Variants in ZNF516 observed in about 807,000 individuals in gnomAD.
The protein encoded by ZNF516 is zinc finger protein 516.
Under a neutral mutation model 79.7 loss-of-function variants are expected in ZNF516, and 19 were observed. The ratio of observed to expected loss-of-function variants is 0.24; its 90% confidence interval spans 0.17 to 0.35. The LOEUF (loss-of-function observed/expected upper bound fraction) is 0.35, where lower values mean the gene tolerates loss of function less well. ZNF516 is among the 10% of genes least tolerant of loss of function. ZNF516 has a pLI of 1.00. For synonymous variants in ZNF516, 877 were observed against 739.5 expected (o/e 1.19, Z -3.02); for missense variants, 1,678 against 1,679.5 (o/e 1.00, Z 0.02).
chr18:76,371,986 A>G (rs2074715863), intron 4 of ZNF516, among the ~76,000 whole-genome samples: 1 of 152,206 alleles, frequency 6.6e-6, no homozygotes, highest in Non-Finnish European at 1.5e-5. Context: ...ACCAGAGCCC[A>G]CCGTGACCCG....
chr18:76,494,815 G>A (rs961038567), intron 1 of ZNF516, among the ~76,000 whole-genome samples: 2 of 151,444 alleles, frequency 1.3e-5, no homozygotes, highest in Non-Finnish European at 2.9e-5. Context: ...AGTGTACAAA[G>A]CCAGAGCCTC....
intron 1 of ZNF516, chr18:76,491,695 TC>T (rs1177560009): frequency 2.4e-4 from 31 of 130,976 alleles, no homozygotes; most frequent in African/African-American, 5.7e-4. Flanking sequence ...GGCAGGTGAG[TC>T]CCCCCCCGAC....
intron 1 of ZNF516, among the ~76,000 whole-genome samples, chr18:76,464,285 T>A (rs1383796819): frequency 6.6e-6 from 1 of 152,126 alleles, no homozygotes; most frequent in Non-Finnish European, 1.5e-5. Context: ...GGTAGAAGAA[T>A]CGCTTGAACC....
chr18:76,435,343 G>C (rs1568288226), intron 3 of ZNF516, among the ~76,000 whole-genome samples: 1 of 152,154 alleles, frequency 6.6e-6, no homozygotes, highest in East Asian at 1.9e-4. Flanking sequence ...CTCTGTTCAA[G>C]CAAATATCAG....
intron 3 of ZNF516, among the ~76,000 whole-genome samples, chr18:76,438,590 G>T (rs2075775526): frequency 6.6e-6 from 1 of 152,006 alleles, no homozygotes; most frequent in African/African-American, 2.4e-5. Flanking sequence ...GAGCTGCTGT[G>T]ACCAAGTCTT....
At chr18:76,406,303 C>T (rs2075303923) in intron 3 of ZNF516, among the ~76,000 whole-genome samples, 1 of 152,232 alleles carries the variant, frequency 6.6e-6, no homozygotes, top group Non-Finnish European at 1.5e-5. Context: ...CGGTGGCTCA[C>T]GCCTGTAATC....
At chr18:76,483,663 A>G (rs1048646351) in intron 1 of ZNF516, among the ~76,000 whole-genome samples, 2 of 151,868 alleles carry the variant, frequency 1.3e-5, no homozygotes, top group Non-Finnish European at 2.9e-5. Flanking sequence ...CCCTTTCCCT[A>G]TGATTTTTTG....
chr18:76,436,186 C>T (rs1346151407), intron 3 of ZNF516, among the ~76,000 whole-genome samples: 2 of 152,218 alleles, frequency 1.3e-5, no homozygotes, highest in Non-Finnish European at 2.9e-5. Context: ...ACCCATTCTG[C>T]AAGCTCCTGT....
At position 76,379,804 on chromosome 18, in the gene ZNF516, G is replaced by A. The variant is rs770740549; in HGVS notation, c.2310C>T (p.Tyr770=). 6.2e-7 allele frequency: 1 copy of A among 1,613,852 alleles called. No individual in the cohort carries two copies. Among genetic ancestry groups the A allele is most frequent in the Non-Finnish European group, 8.5e-7 (1 of 1,179,834 alleles). ...TGTGCATCCACAGGACCTCGGGGTA[G>A]TAGGTCTTGTGGCTGCAGTAAGGAC... ...HPCPYCSHKT[Y]YPEVLWMHKR... is the part of the protein sequence containing the mutation. Residue 770 remains tyrosine (Y), a synonymous_variant, in exon 4 of 7, where the codon TAC becomes TAT. Coordinates refer to ENST00000443185, the MANE Select transcript of ZNF516 (RefSeq NM_014643.4).
At chr18:76,478,008 T>C (rs1471502363) in intron 1 of ZNF516, among the ~76,000 whole-genome samples, 1 of 152,182 alleles carries the variant, frequency 6.6e-6, no homozygotes, top group Non-Finnish European at 1.5e-5. Context: ...AGATCTATTC[T>C]GAAGGGAAAA....
chr18:76,463,364 G>A (rs1599130552), intron 1 of ZNF516, among the ~76,000 whole-genome samples: 1 of 152,342 alleles, frequency 6.6e-6, no homozygotes, highest in Non-Finnish European at 1.5e-5. Context: ...GCCAGGAGCA[G>A]GAGAAGCATT....
At chr18:76,461,877 C>T (rs1227878763) in intron 2 of ZNF516, among the ~76,000 whole-genome samples, 1 of 152,208 alleles carries the variant, frequency 6.6e-6, no homozygotes, top group Non-Finnish European at 1.5e-5. Flanking sequence ...GGCGAGAAAC[C>T]CTGGGCAGCC....
chr18:76,435,690 C>T (rs183539016), intron 3 of ZNF516, among the ~76,000 whole-genome samples: 16 of 152,308 alleles, frequency 1.1e-4, no homozygotes, highest in East Asian at 3.9e-4. Context: ...TTACTCCCAA[C>T]GAAAGGAACT....
At chr18:76,373,731 G>A (rs541401467) in intron 4 of ZNF516, among the ~76,000 whole-genome samples, 16 of 152,078 alleles carry the variant, frequency 1.1e-4, no homozygotes, top group East Asian at 1.9e-4. Context: ...ACACACACAC[G>A]CAGGCGTACA....
rs773782208 is a variant in ZNF516, at chr18:76,379,919, G to A, written c.2195C>T (p.Pro732Leu). 2.4e-5 allele frequency: 38 copies of A among 1,613,836 alleles called. No individual in the cohort carries two copies. Among genetic ancestry groups the A allele is most frequent in the African/African-American group, 1.3e-5 (1 of 74,910 alleles). The change falls in exon 4 of 7, where the codon CCG (proline) becomes CTG (leucine). Residue 732 changes from proline (P) to leucine (L), a missense_variant. Coordinates refer to ENST00000443185, the MANE Select transcript of ZNF516 (RefSeq NM_014643.4). ...GKRALAPDLM[P>L]LDLSARSTRD... ...CGTCGACCTCGCACTTAAATCTAGC[G>A]GCATGAGGTCTGGGGCCAGCGCCCG...
At chr18:76,492,925 C>T (rs969578777) in intron 1 of ZNF516, 1 of 985,598 alleles carries the variant, frequency 1.0e-6, no homozygotes. Flanking sequence ...CCTGCGGATG[C>T]GCGGGGCTGG....
At chr18:76,489,025 T>C (rs1368479835) in intron 1 of ZNF516, among the ~76,000 whole-genome samples, 1 of 152,258 alleles carries the variant, frequency 6.6e-6, no homozygotes, top group Non-Finnish European at 1.5e-5. Flanking sequence ...ACAAGCTCCC[T>C]GCTGCAGAAC....
intron 3 of ZNF516, among the ~76,000 whole-genome samples, chr18:76,424,521 A>C (rs575179862): frequency 5.8e-4 from 83 of 143,840 alleles, no homozygotes; most frequent in East Asian, 4.4e-4. Context: ...CCCATGAAAC[A>C]CATGCAGGTG....
intron 1 of ZNF516, among the ~76,000 whole-genome samples, chr18:76,463,850 A>G (rs534402281): frequency 6.6e-6 from 1 of 152,342 alleles, no homozygotes; most frequent in African/African-American, 2.4e-5. Flanking sequence ...AAGTATTCAT[A>G]ATAAACTATT....
Sources: allele counts gnomAD v4.1 joint callset (sites outside exome capture counted in the v4.1 genomes callset), GRCh38; gene constraint gnomAD v4.1.1; transcripts MANE v1.5; gene names NCBI Gene and HGNC (gene_info 2026-07-23, HGNC 2026-07-21).